The following CDK5RAP2 variants were observed in gnomAD, a reference collection of about 807,000 sequenced individuals.
CDK5RAP2 encodes the protein CDK5 regulatory subunit-associated protein 2.
A neutral mutation model predicts 232.9 loss-of-function variants in CDK5RAP2; 147 were observed. The ratio of observed to expected loss-of-function variants is 0.63; its 90% CI spans 0.55 to 0.72. The LOEUF is 0.72. Ranked by LOEUF, CDK5RAP2 falls within the 30% of genes least tolerant of loss-of-function variation. CDK5RAP2 has a pLI of 0.00. For missense variants in CDK5RAP2, 2,195 were observed against 2,231.5 expected (o/e 0.98, Z 0.33); for synonymous variants, 833 against 833.7 (o/e 1.00, Z 0.01).
chr9:120,448,683 C>G (rs2036331409), intron 21 of CDK5RAP2, among the ~76,000 whole-genome samples: 1 of 152,218 alleles, frequency 6.6e-6, no homozygotes, highest in Admixed American at 6.5e-5. Flanking sequence ...CAAATCTACG[C>G]CACTTCAACA....
chr9:120,393,777 A>G (rs910854659), intron 36 of CDK5RAP2, among the ~76,000 whole-genome samples: 3 of 152,130 alleles, frequency 2.0e-5, no homozygotes, highest in African/African-American at 7.2e-5. Flanking sequence ...AACCTCACCA[A>G]CCCTGAGTCT....
chr9:120,546,965 T>C (rs571332055), intron 4 of CDK5RAP2, among the ~76,000 whole-genome samples: 1 of 145,128 alleles, frequency 6.9e-6, no homozygotes, highest in East Asian at 2.0e-4. Flanking sequence ...TACTCCATAA[T>C]ACATGTGTTT....
intron 14 of CDK5RAP2, among the ~76,000 whole-genome samples, chr9:120,480,042 C>A (rs1013353466): frequency 1.3e-5 from 2 of 152,178 alleles, no homozygotes; most frequent in African/African-American, 4.8e-5. Flanking sequence ...TATTTTTCTA[C>A]AAATTTAAAA....
chr9:120,525,154 C>A (rs1252982594), intron 10 of CDK5RAP2, 76 bp from the exon 11 acceptor site: 1 of 1,094,890 alleles, frequency 9.1e-7, no homozygotes, highest in South Asian at 1.3e-5. Context: ...GCTTTTCCTG[C>A]TCAATTGTGT....
In CDK5RAP2 at chr9:120,470,164, C is replaced by T. The variant is rs1433374573; in HGVS notation, c.1915G>A (p.Glu639Lys). The T allele has an allele frequency of 1.2e-6, 2 of 1,600,130 alleles. No homozygotes were observed. Among genetic ancestry groups the T allele is most frequent in the Non-Finnish European group, 8.6e-7 (1 of 1,169,026 alleles). ...TGTTCCACTTGAAACCGATTGTTTT[C>T]TTCAAGGCAAATACTTAGATAAGAT... ...QTSYLSICLE[E>K]NNRFQVEHFS... The change falls in exon 17 of 38, where the codon GAA becomes AAA. Residue 639 changes from glutamate (E) to lysine (K), a missense_variant. Coordinates refer to ENST00000349780, the MANE Select transcript of CDK5RAP2 (RefSeq NM_018249.6).
intron 12 of CDK5RAP2, among the ~76,000 whole-genome samples, chr9:120,503,676 T>TA (rs1229552645): frequency 6.6e-6 from 1 of 152,086 alleles, no homozygotes; most frequent in Non-Finnish European, 1.5e-5. Context: ...ATGAAGACAA[T>TA]AATGCAAACT....
At chr9:120,515,037 A>G (rs2040266467) in intron 12 of CDK5RAP2, among the ~76,000 whole-genome samples, 1 of 152,170 alleles carries the variant, frequency 6.6e-6, no homozygotes, top group South Asian at 2.1e-4. Context: ...AAAAAACTAC[A>G]TATTATATAT....
intron 12 of CDK5RAP2, among the ~76,000 whole-genome samples, chr9:120,514,130 A>C (rs2040216589): frequency 6.6e-6 from 1 of 152,238 alleles, no homozygotes; most frequent in African/African-American, 2.4e-5. Context: ...GTGCAAAAAA[A>C]GGAAACCACG....
chr9:120,544,452 A>G (rs1440601253), intron 5 of CDK5RAP2, among the ~76,000 whole-genome samples: 1 of 152,244 alleles, frequency 6.6e-6, no homozygotes, highest in Non-Finnish European at 1.5e-5. Flanking sequence ...AGAAAATACC[A>G]AGTGTGCAAG....
Position 120,403,241 on chromosome 9 carries a change from A to AC in CDK5RAP2, c.5042-171dup. ...GCACGCTCCTGGACCTCTGTATATT[A>AC]CCCCACACTGGGCTTATGAGTCATC... On this transcript the variant is annotated intron_variant, in intron 33 of 37. Coordinates refer to ENST00000349780, the MANE Select transcript of CDK5RAP2 (RefSeq NM_018249.6). This position sits in a 1 kb window ranked among gnomAD's most constrained non-coding sequence, Gnocchi z 4.2. The AC allele has an allele frequency of 1.6e-6, 1 of 626,588 alleles. No homozygotes were observed. The highest frequency in any genetic ancestry group is 2.8e-6 in the Non-Finnish European group (1 of 356,694). The allele number at this position is 626,588 out of a possible 1,614,324, so 38.8% of individuals were successfully genotyped here. A position where few individuals can be genotyped will look rare whatever the true frequency, so the allele number is the denominator to read the frequency against.
Position 120,518,465 on chromosome 9 carries a change from C to A in CDK5RAP2, c.1273G>T (p.Ala425Ser). ...RERLEKDLEE[A>S]HREKSKGDCT... The stretch of plus-strand genomic sequence containing the variant: ...TCTCCTTTGCTCTTCTCTCGATGGG[C>A]TTCCTCCAGGTCCTTCTCCAGTCTC... The change falls in exon 12 of 38, where the codon GCC becomes TCC. Residue 425 changes from alanine to serine, a missense_variant. Transcript: ENST00000349780. The A allele has an allele frequency of 1.9e-6, 3 of 1,613,888 alleles. No individual in the cohort carries two copies. Among genetic ancestry groups the A allele is most frequent in the Non-Finnish European group, 2.5e-6 (3 of 1,179,992 alleles).
At chr9:120,440,056 A>C in intron 23 of CDK5RAP2, 84 bp from the exon 24 acceptor site, 1 of 1,178,740 alleles carries the variant, frequency 8.5e-7, no homozygotes, top group Non-Finnish European at 1.2e-6. Context: ...AGCCAAGCCA[A>C]GACCACTGCA....
At chr9:120,503,305 A>T (rs1411829321) in intron 12 of CDK5RAP2, among the ~76,000 whole-genome samples, 1 of 152,206 alleles carries the variant, frequency 6.6e-6, no homozygotes, top group East Asian at 1.9e-4. Flanking sequence ...ACCTCATATG[A>T]AGAGCAGTCA....
chr9:120,521,644 CTTTTTTT>C (rs71266575), intron 11 of CDK5RAP2, among the ~76,000 whole-genome samples: 3 of 125,764 alleles, frequency 2.4e-5, no homozygotes, highest in African/African-American at 6.1e-5. Flanking sequence ...ACCTCTTTTT[CTTTTTTT>C]TTTTTTTTTT....
At chr9:120,554,069 A>C (rs2042139120) in intron 3 of CDK5RAP2, among the ~76,000 whole-genome samples, 1 of 152,236 alleles carries the variant, frequency 6.6e-6, no homozygotes, top group Non-Finnish European at 1.5e-5. Flanking sequence ...AGAATGAGAG[A>C]CCACATTGTG....
intron 15 of CDK5RAP2, among the ~76,000 whole-genome samples, chr9:120,473,583 T>C (rs2037841142): frequency 6.6e-6 from 1 of 152,252 alleles, no homozygotes; most frequent in Admixed American, 6.5e-5. Context: ...TGCTTGCTGC[T>C]TTGAGGACAG....
Position 120,403,882 on chromosome 9 carries a change from A to G in CDK5RAP2, c.5041+154T>C, listed in dbSNP as rs2297453. 0.7 allele frequency among the ~76,000 whole-genome samples: 106,837 copies of G among 152,090 alleles called. 37,775 individuals are homozygous for G. The highest frequency in any genetic ancestry group is 0.73 in the Non-Finnish European group (49,746 of 67,986). On this transcript the variant is annotated intron_variant, in intron 33 of 37. Transcript: ENST00000349780. This position sits in a 1 kb window ranked among gnomAD's most constrained non-coding sequence, Gnocchi z 4.2. ...GAGTGGATTAACTGGCTTGAAGGAG[A>G]AGATCACCAGCTGGGGATGCTGAGA...
At position 120,568,241 on chromosome 9, in the gene CDK5RAP2, AAC is replaced by A. The variant is rs2042717959; in HGVS notation, c.195+78_195+79del. On this transcript the variant is annotated intron_variant, in intron 3 of 37. Transcript: ENST00000349780. ...GCATCACCGAACTTAGATCTCAAGA[AAC>A]ACAGCTTTCCTGGGTCTGGCTGGAC... 1.2e-5 allele frequency: 14 copies of A among 1,141,078 alleles called. No individual in the cohort carries two copies. In the South Asian group the frequency reaches 1.5e-4, roughly 12 times the overall value. 70.7% of individuals were successfully genotyped at this position (1,141,078 alleles called of 1,614,324 possible).
At chr9:120,554,652 G>A (rs1177007632) in intron 3 of CDK5RAP2, among the ~76,000 whole-genome samples, 2 of 151,860 alleles carry the variant, frequency 1.3e-5, no homozygotes, top group Non-Finnish European at 2.9e-5. Context: ...TGTTGTTGTT[G>A]AGACAGAGTC....
Sources: gnomAD v4.1 joint callset for allele counts (sites outside exome capture counted in the v4.1 genomes callset) on GRCh38, gnomAD v4.1.1 for gene constraint, Gnocchi (gnomAD v3.1) non-coding constraint, MANE v1.5 for transcripts, NCBI Gene and HGNC (gene_info 2026-07-23, HGNC 2026-07-21) for gene names.